Variants in UBE3D observed in about 807,000 individuals in gnomAD.
The protein encoded by UBE3D is ubiquitin protein ligase E3D, also known as E3 ubiquitin-protein ligase E3D.
A neutral mutation model predicts 49.6 loss-of-function variants in UBE3D; 48 were observed. The ratio of observed to expected loss-of-function variants is 0.97; its 90% confidence interval spans 0.77 to 1.23. UBE3D has a LOEUF of 1.23. Among genes scored for constraint, UBE3D ranks in the 50% most tolerant of loss-of-function variants. The probability of loss-of-function intolerance (pLI) is 0.00; values close to 1 mark genes in which losing one functional copy is unlikely to be tolerated. For missense variants in UBE3D, 452 were observed against 468.4 expected, an observed-to-expected ratio of 0.96 and a Z score of 0.32; for synonymous variants, 189 against 174.2, an observed-to-expected ratio of 1.08 and a Z score of -0.67.
intron 4 of UBE3D, among the ~76,000 whole-genome samples, chr6:83,040,962 A>G (rs1004374188): frequency 1.7e-4 from 26 of 152,352 alleles, no homozygotes; most frequent in African/African-American, 6.0e-4. Flanking sequence ...AGTATGGTCT[A>G]CAAAGGGTGC....
chr6:83,041,277 T>C, intron 4 of UBE3D, among the ~76,000 whole-genome samples: 1 of 152,214 alleles, frequency 6.6e-6, no homozygotes. Flanking sequence ...GGAGAAGTGT[T>C]TTTTGTTTGC....
chr6:82,923,290 C>T lies in UBE3D; in HGVS notation c.1150-30248G>A, dbSNP rs560200253. The stretch of plus-strand genomic sequence containing the variant: ...TTTATTGCAGCACTATTCACAATAG[C>T]AAAGACTTGGAACCAACCCAACTGT... On this transcript the variant is annotated intron_variant, in intron 9 of 9. Transcript: ENST00000369747. Among the ~76,000 whole-genome samples, 57 of 152,298 alleles carry T rather than the reference C, an allele frequency of 3.7e-4. No homozygotes were observed. In the South Asian group the frequency reaches 3.9e-3, roughly 11 times the overall value.
chr6:83,054,330 C>G, intron 2 of UBE3D, 92 bp from the exon 3 acceptor site: 2 of 937,956 alleles, frequency 2.1e-6, no homozygotes. Flanking sequence ...AAATTACCAT[C>G]CATAAACAGT....
At chr6:83,004,920 G>A (rs1779869420) in intron 8 of UBE3D, among the ~76,000 whole-genome samples, 1 of 152,156 alleles carries the variant, frequency 6.6e-6, no homozygotes, top group Non-Finnish European at 1.5e-5. Flanking sequence ...GAATTAAGCA[G>A]AGTTTGGCAA....
At chr6:82,921,873 A>T (rs1773369605) in intron 9 of UBE3D, among the ~76,000 whole-genome samples, 1 of 152,214 alleles carries the variant, frequency 6.6e-6, no homozygotes, top group Non-Finnish European at 1.5e-5. Context: ...GCAAAACTGT[A>T]GACATTTTCA....
chr6:82,907,370 A>G (rs1772177211), intron 9 of UBE3D, among the ~76,000 whole-genome samples: 1 of 152,238 alleles, frequency 6.6e-6, no homozygotes, highest in Non-Finnish European at 1.5e-5. Flanking sequence ...ATGTTTGGAA[A>G]TGGAAACAAA....
chr6:82,969,363 T>C (rs1328767662), intron 8 of UBE3D, among the ~76,000 whole-genome samples: 1 of 152,088 alleles, frequency 6.6e-6, no homozygotes, highest in African/African-American at 2.4e-5. Context: ...TAATCCCACT[T>C]TGAGAGGCCG....
intron 8 of UBE3D, among the ~76,000 whole-genome samples, chr6:82,960,377 C>T (rs1776463148): frequency 6.6e-6 from 1 of 151,898 alleles, no homozygotes; most frequent in Non-Finnish European, 1.5e-5. Context: ...TAAGCTCACT[C>T]ACCACCCACA....
intron 5 of UBE3D, chr6:83,032,229 G>T: frequency 2.2e-6 from 1 of 456,170 alleles, no homozygotes; most frequent in South Asian, 1.5e-5. Context: ...AAAGAAGCTG[G>T]GTGGGGCCGT....
chr6:82,952,034 A>G (rs1456387000), intron 9 of UBE3D, among the ~76,000 whole-genome samples: 1 of 152,208 alleles, frequency 6.6e-6, no homozygotes, highest in Non-Finnish European at 1.5e-5. Context: ...TTTGAGAAAT[A>G]CTGTTTACTA....
At chr6:82,891,534 A>G (rs543421264), downstream of UBE3D, among the ~76,000 whole-genome samples, 7 of 152,284 alleles carry the variant, frequency 4.6e-5, no homozygotes, top group South Asian at 8.3e-4. Context: ...AAGAACTTCA[A>G]CGTTTCAAAC....
At chr6:82,976,726 ACTT>A (rs1180077614) in intron 8 of UBE3D, among the ~76,000 whole-genome samples, 1 of 152,140 alleles carries the variant, frequency 6.6e-6, no homozygotes, top group East Asian at 1.9e-4. Context: ...AAGCATTTCC[ACTT>A]CTTCTGAAAC....
chr6:83,059,064 A>T (rs1175910144), intron 1 of UBE3D, among the ~76,000 whole-genome samples: 2 of 152,140 alleles, frequency 1.3e-5, no homozygotes, highest in African/African-American at 4.8e-5. Context: ...TATACTTTTT[A>T]TTTTTTAAAA....
chr6:83,064,869 T>C (rs367862423), intron 1 of UBE3D, among the ~76,000 whole-genome samples: 3 of 152,164 alleles, frequency 2.0e-5, no homozygotes, highest in African/African-American at 4.8e-5. Context: ...AGGAAAAAAT[T>C]AAGCATCAAT....
At chr6:83,041,584 G>C (rs1458597122) in intron 4 of UBE3D, among the ~76,000 whole-genome samples, 2 of 152,164 alleles carry the variant, frequency 1.3e-5, no homozygotes, top group Non-Finnish European at 2.9e-5. Context: ...AGGAAAAAAA[G>C]AGCAGATGAA....
intron 9 of UBE3D, among the ~76,000 whole-genome samples, chr6:82,893,366 C>T (rs6919649): frequency 0.15 from 23,285 of 151,924 alleles, 3,005 homozygotes; most frequent in African/African-American, 0.35. Context: ...TTGGACCTTC[C>T]ATATTTAGAA....
At chr6:83,027,458 A>G (rs867300513) in intron 5 of UBE3D, among the ~76,000 whole-genome samples, 11 of 147,566 alleles carry the variant, frequency 7.5e-5, no homozygotes, top group African/African-American at 2.5e-4. Context: ...AAAAAAAAAA[A>G]AAAGAAACCA....
At chr6:82,914,803 A>G (rs778776737) in intron 9 of UBE3D, among the ~76,000 whole-genome samples, 1 of 152,310 alleles carries the variant, frequency 6.6e-6, no homozygotes, top group East Asian at 1.9e-4. Context: ...TTGCTTCCCA[A>G]CATCTTTGTG....
rs1401348400 is a variant in UBE3D, at chr6:83,065,695, C to A, written c.24G>T (p.Thr8=). The part of the protein sequence containing the change: MAASAAE[T]RVFLEVRGQL... ...GTCCCCGCACCTCCAGAAACACGCG[C>A]GTCTCCGCCGCAGAAGCCGCCATGG... Residue 8 remains threonine (T), a synonymous_variant, in exon 1 of 10, where the codon ACG becomes ACT. Transcript: ENST00000369747. 1 of 1,611,766 alleles carries A rather than the reference C, an allele frequency of 6.2e-7. No homozygotes were observed. Among genetic ancestry groups the A allele is most frequent in the East Asian group, 2.2e-5 (1 of 44,642 alleles).
Sources: allele counts gnomAD v4.1 joint callset (sites outside exome capture counted in the v4.1 genomes callset), GRCh38; gene constraint gnomAD v4.1.1; transcripts MANE v1.5; gene names NCBI Gene and HGNC (gene_info 2026-07-23, HGNC 2026-07-21).